Variants in ARHGAP44 observed in about 807,000 individuals in gnomAD.
ARHGAP44 encodes the protein Rho GTPase activating protein 44.
In ARHGAP44, 43 loss-of-function variants were observed where a neutral mutation model predicts 106.8. That is an observed-to-expected ratio of 0.40 (90% confidence interval 0.32 to 0.52). ARHGAP44 has a LOEUF of 0.52. Among genes scored for constraint, ARHGAP44 ranks in the 20% least tolerant of loss-of-function variants. ARHGAP44 has a pLI of 0.48. For missense variants in ARHGAP44, 866 were observed against 1,050.5 expected (o/e 0.82, Z 2.43); for synonymous variants, 439 against 410.3 (o/e 1.07, Z -0.85).
At chr17:12,846,377 G>T (rs2035571296) in intron 1 of ARHGAP44, among the ~76,000 whole-genome samples, 1 of 152,114 alleles carries the variant, frequency 6.6e-6, no homozygotes. Flanking sequence ...TGGATGCACA[G>T]CTGTGCACGC....
intron 1 of ARHGAP44, among the ~76,000 whole-genome samples, chr17:12,805,308 T>C (rs1005482132): frequency 6.6e-6 from 1 of 152,216 alleles, no homozygotes; most frequent in Non-Finnish European, 1.5e-5. Context: ...TTTCTTCATC[T>C]CTGTGTCCTG....
intron 7 of ARHGAP44, among the ~76,000 whole-genome samples, chr17:12,939,196 G>A (rs1400845885): frequency 6.6e-6 from 1 of 152,044 alleles, no homozygotes; most frequent in East Asian, 1.9e-4. Context: ...CTGAGGTGAT[G>A]TTTGAGCCCA....
At chr17:12,868,979 T>C (rs2036324942) in intron 1 of ARHGAP44, among the ~76,000 whole-genome samples, 2 of 152,022 alleles carry the variant, frequency 1.3e-5, no homozygotes, top group Admixed American at 6.6e-5. Flanking sequence ...AAATATGTTA[T>C]ATATTACCAT....
intron 3 of ARHGAP44, among the ~76,000 whole-genome samples, chr17:12,898,894 G>A (rs2037292889): frequency 6.6e-6 from 1 of 152,166 alleles, no homozygotes; most frequent in South Asian, 2.1e-4. Context: ...CGTGTAAACT[G>A]GGAGAAGTCC....
chr17:12,930,224 CT>C (rs2038358402), intron 7 of ARHGAP44, among the ~76,000 whole-genome samples: 1 of 151,418 alleles, frequency 6.6e-6, no homozygotes, highest in Admixed American at 6.6e-5. Flanking sequence ...TTTTTTTATT[CT>C]TTTCTCTCTC....
intron 16 of ARHGAP44, among the ~76,000 whole-genome samples, chr17:12,966,427 T>A (rs2143258674): frequency 6.6e-6 from 1 of 152,278 alleles, no homozygotes; most frequent in Non-Finnish European, 1.5e-5. Flanking sequence ...GGCCTTTATG[T>A]GTACTGGAGA....
At chr17:12,886,864 G>C (rs1400862177) in intron 1 of ARHGAP44, among the ~76,000 whole-genome samples, 1 of 150,572 alleles carries the variant, frequency 6.6e-6, no homozygotes, top group East Asian at 2.0e-4. Context: ...CTTGATTCCT[G>C]TTTTGGAGGA....
intron 7 of ARHGAP44, among the ~76,000 whole-genome samples, chr17:12,933,125 G>A (rs1163723828): frequency 1.3e-5 from 2 of 152,002 alleles, no homozygotes; most frequent in African/African-American, 4.8e-5. Flanking sequence ...TACTTTGTTG[G>A]TTGCCAACTG....
At chr17:12,920,297 A>G in intron 6 of ARHGAP44, among the ~76,000 whole-genome samples, 1 of 137,382 alleles carries the variant, frequency 7.3e-6, no homozygotes, top group African/African-American at 3.2e-5. Context: ...AATGGTGTGA[A>G]CCGGGGAGGC....
chr17:12,857,310 G>T (rs1272286627), intron 1 of ARHGAP44, among the ~76,000 whole-genome samples: 1 of 152,208 alleles, frequency 6.6e-6, no homozygotes, highest in Non-Finnish European at 1.5e-5. Flanking sequence ...AATTTATAAA[G>T]AATAGAGGTT....
chr17:12,966,155 CAA>C (rs34324286), intron 16 of ARHGAP44, among the ~76,000 whole-genome samples: 38 of 116,630 alleles, frequency 3.3e-4, no homozygotes, highest in East Asian at 9.4e-4. Flanking sequence ...CACGCTGTCT[CAA>C]AAAAAAAAAA....
rs147646289 is a variant in ARHGAP44, at chr17:12,896,687, G to C, written c.198+176G>C. Among the ~76,000 whole-genome samples, 579 of 152,268 alleles carry C rather than the reference G, an allele frequency of 3.8e-3. 3 individuals are homozygous for C. The highest frequency in any genetic ancestry group is 0.013 in the African/African-American group (533 of 41,558). On this transcript the variant is annotated intron_variant, in intron 3 of 20. Coordinates refer to ENST00000379672, the MANE Select transcript of ARHGAP44 (RefSeq NM_014859.6). Reference sequence around the variant, plus strand: ...CTGTGGGGTAATGACCCTCCCTACTGTTCTTGCTCTTTAGCCCAGCCTGAA... The same window carrying C: ...CTGTGGGGTAATGACCCTCCCTACTCTTCTTGCTCTTTAGCCCAGCCTGAA...
intron 1 of ARHGAP44, among the ~76,000 whole-genome samples, chr17:12,835,835 ACTTTCTGT>A (rs1247957523): frequency 6.6e-6 from 1 of 152,070 alleles, no homozygotes; most frequent in Non-Finnish European, 1.5e-5. Context: ...TCACTATTTT[ACTTTCTGT>A]CTCTGTGAAT....
At chr17:12,941,217 A>G in intron 8 of ARHGAP44, 93 bp downstream of exon 8, 5 of 1,195,354 alleles carry the variant, frequency 4.2e-6, no homozygotes, top group Non-Finnish European at 6.1e-6. Context: ...TGATCACATC[A>G]TAGAAAAAGG....
intron 1 of ARHGAP44, among the ~76,000 whole-genome samples, chr17:12,860,133 A>T (rs1480632318): frequency 6.6e-6 from 1 of 152,166 alleles, no homozygotes; most frequent in Admixed American, 6.5e-5. Context: ...GAATTAATTA[A>T]TCCTGGGAGG....
At chr17:12,973,751 T>C (rs1031094368) in intron 17 of ARHGAP44, 5 of 512,772 alleles carry the variant, frequency 9.8e-6, no homozygotes, top group Non-Finnish European at 1.7e-5. Flanking sequence ...GCTGGCAGTT[T>C]ACACCCAGGG....
intron 8 of ARHGAP44, among the ~76,000 whole-genome samples, chr17:12,942,848 G>A (rs1479759145): frequency 6.6e-6 from 1 of 152,058 alleles, no homozygotes. Flanking sequence ...TTAATGGGAT[G>A]GTCAAAATAG....
At chr17:12,934,124 G>A (rs2038478752) in intron 7 of ARHGAP44, among the ~76,000 whole-genome samples, 1 of 152,178 alleles carries the variant, frequency 6.6e-6, no homozygotes, top group South Asian at 2.1e-4. Context: ...TGGGATTACA[G>A]GCGTGAGCCA....
intron 1 of ARHGAP44, chr17:12,790,736 A>G (rs1238563791): frequency 2.0e-5 from 3 of 152,212 alleles, no homozygotes; most frequent in African/African-American, 4.8e-5. Context: ...GGGTGCCAAC[A>G]TCTATTAAGG....
Sources: allele counts gnomAD v4.1 joint callset (sites outside exome capture counted in the v4.1 genomes callset), GRCh38; gene constraint gnomAD v4.1.1; transcripts MANE v1.5; gene names NCBI Gene and HGNC (gene_info 2026-07-23, HGNC 2026-07-21).